The following FRMPD4 variants were observed in gnomAD, a reference collection of about 807,000 sequenced individuals.
FRMPD4 encodes the protein FERM and PDZ domain containing 4.
A neutral mutation model predicts 94.1 loss-of-function variants in FRMPD4; 22 were observed. The ratio of observed to expected loss-of-function variants is 0.23; its 90% CI spans 0.17 to 0.33. FRMPD4 has a LOEUF of 0.33. FRMPD4 is among the 10% of genes least tolerant of loss of function. The probability of loss-of-function intolerance (pLI) is 1.00; values close to 1 mark genes in which losing one functional copy is unlikely to be tolerated. For synonymous variants in FRMPD4, 631 were observed against 548.6 expected, an observed-to-expected ratio of 1.15 and a Z score of -2.10; for missense variants, 1,111 against 1,339.9, an observed-to-expected ratio of 0.83 and a Z score of 2.67.
At chrX:12,412,442 A>C (rs1056162630) in intron 1 of FRMPD4, among the ~76,000 whole-genome samples, 1 of 112,559 alleles carries the variant, frequency 8.9e-6, no homozygotes, top group Non-Finnish European at 1.9e-5. Context: ...CAGCAGCTTG[A>C]GAAGAGGACA....
chrX:11,975,067 T>C (rs947230268), intron 3 of FRMPD4, among the ~76,000 whole-genome samples: 4 of 111,768 alleles, frequency 3.6e-5, no homozygotes, highest in Non-Finnish European at 7.5e-5. Context: ...AACAAGGCTG[T>C]TGGCCTGGGA....
At chrX:12,034,164 A>G (rs1283536111) in intron 3 of FRMPD4, among the ~76,000 whole-genome samples, 1 of 112,210 alleles carries the variant, frequency 8.9e-6, no homozygotes, top group Non-Finnish European at 1.9e-5. Flanking sequence ...GAGAAGAAAA[A>G]AAGTCAACCA....
intron 2 of FRMPD4, among the ~76,000 whole-genome samples, chrX:12,544,033 C>A (rs1382617576): frequency 2.0e-5 from 2 of 98,559 alleles, no homozygotes; most frequent in East Asian, 6.4e-4. Context: ...GGGAATTGAA[C>A]AATGAGAACA....
intron 4 of FRMPD4, among the ~76,000 whole-genome samples, chrX:12,661,496 T>G (rs111682454): frequency 0.12 from 13,003 of 111,251 alleles, 665 homozygotes; most frequent in African/African-American, 0.19. Context: ...CTCCTCTATG[T>G]TTCTGTTACC....
intron 3 of FRMPD4, among the ~76,000 whole-genome samples, chrX:11,906,141 T>TTATTTATG (rs2053966672): frequency 1.9e-5 from 2 of 105,029 alleles, no homozygotes; most frequent in Non-Finnish European, 3.9e-5. Flanking sequence ...ATTTATTTAT[T>TTATTTATG]TATTTATTTA....
At chrX:11,845,764 A>G (rs2053572101) in intron 1 of FRMPD4, among the ~76,000 whole-genome samples, 1 of 110,035 alleles carries the variant, frequency 9.1e-6, no homozygotes. Flanking sequence ...TATAAACAGA[A>G]CCAAAGACAA....
chrX:12,164,042 G>GTT (rs548500231), intron 1 of FRMPD4, among the ~76,000 whole-genome samples: 2 of 106,561 alleles, frequency 1.9e-5, no homozygotes, highest in Admixed American at 1.0e-4. Context: ...TTGCCCCTTA[G>GTT]TTTTTTTTTT....
At chrX:12,159,052 G>A (rs1365709108) in intron 1 of FRMPD4, among the ~76,000 whole-genome samples, 1 of 112,166 alleles carries the variant, frequency 8.9e-6, no homozygotes, top group Non-Finnish European at 1.9e-5. Context: ...GCAGGCTATT[G>A]GCCAGCCCAT....
At chrX:12,159,496 G>T (rs1206606024) in intron 1 of FRMPD4, among the ~76,000 whole-genome samples, 3 of 111,682 alleles carry the variant, frequency 2.7e-5, no homozygotes, top group African/African-American at 9.8e-5. Flanking sequence ...CTCCCCTGGG[G>T]GTGGGTAAAG....
At chrX:12,460,798 T>G (rs781113847) in intron 1 of FRMPD4, among the ~76,000 whole-genome samples, 5 of 112,018 alleles carry the variant, frequency 4.5e-5, no homozygotes, top group Non-Finnish European at 7.5e-5. Flanking sequence ...AAATGAGGAT[T>G]TACAAAATAA....
At chrX:12,680,805 G>C (rs1219640718) in intron 5 of FRMPD4, among the ~76,000 whole-genome samples, 1 of 111,017 alleles carries the variant, frequency 9.0e-6, no homozygotes, top group African/African-American at 3.3e-5. Context: ...CATATAGCTA[G>C]AGAGAGGAGA....
At chrX:12,365,462 A>T in intron 1 of FRMPD4, among the ~76,000 whole-genome samples, 1 of 111,746 alleles carries the variant, frequency 8.9e-6, no homozygotes, top group Middle Eastern at 4.6e-3. Context: ...GTATAGGGAC[A>T]GGCAGTTTTG....
At chrX:12,669,328 T>C (rs1447044159) in intron 4 of FRMPD4, among the ~76,000 whole-genome samples, 5 of 111,807 alleles carry the variant, frequency 4.5e-5, no homozygotes, top group African/African-American at 1.6e-4. Flanking sequence ...AGTTTGGAAG[T>C]GAATCCTTCC....
intron 4 of FRMPD4, among the ~76,000 whole-genome samples, chrX:12,657,519 T>C (rs1264590631): frequency 8.9e-6 from 1 of 111,749 alleles, no homozygotes; most frequent in East Asian, 2.8e-4. Context: ...TAACCTAACC[T>C]TGGATATCAC....
intron 4 of FRMPD4, among the ~76,000 whole-genome samples, chrX:12,646,243 A>G (rs953697803): frequency 8.9e-5 from 10 of 111,934 alleles, no homozygotes; most frequent in African/African-American, 2.9e-4. Flanking sequence ...TTTTTTATAT[A>G]GCCAGCCCAA....
chrX:12,524,536 T>C (rs1454896877), intron 2 of FRMPD4, among the ~76,000 whole-genome samples: 1 of 111,679 alleles, frequency 9.0e-6, no homozygotes, highest in Non-Finnish European at 1.9e-5. Context: ...ATGATGATGA[T>C]GGAGAGAAGG....
In FRMPD4 at chrX:12,385,294, G is replaced by A. The variant is rs745308752; in HGVS notation, c.42-113386G>A. Among the ~76,000 whole-genome samples, 5 of 112,571 alleles carry A rather than the reference G, an allele frequency of 4.4e-5. No homozygotes were observed. The East Asian group carries it at 1.1e-3, about 25-fold the overall frequency. On this transcript the variant is annotated intron_variant, in intron 1 of 16. Coordinates refer to ENST00000675598, the MANE Select transcript of FRMPD4 (RefSeq NM_001368397.1). Reference sequence around the variant, plus strand: ...GGACATGACCTGAATGGCCTTAAGTGCAGAATTTCAGTGTAATCACATGAC... The same window carrying A: ...GGACATGACCTGAATGGCCTTAAGTACAGAATTTCAGTGTAATCACATGAC...
intron 1 of FRMPD4, among the ~76,000 whole-genome samples, chrX:12,399,386 G>C (rs1205352874): frequency 9.0e-6 from 1 of 111,488 alleles, no homozygotes; most frequent in East Asian, 2.8e-4. Flanking sequence ...TAGAGATGTA[G>C]ATATAGTTGT....
At chrX:12,600,688 G>T (rs2059076930) in intron 2 of FRMPD4, among the ~76,000 whole-genome samples, 1 of 111,826 alleles carries the variant, frequency 8.9e-6, no homozygotes, top group Non-Finnish European at 1.9e-5. Flanking sequence ...TAATCATTTT[G>T]TTTCAAAACA....
Sources: gnomAD v4.1 joint callset for allele counts (sites outside exome capture counted in the v4.1 genomes callset) on GRCh38, gnomAD v4.1.1 for gene constraint, MANE v1.5 for transcripts, NCBI Gene and HGNC (gene_info 2026-07-23, HGNC 2026-07-21) for gene names.